Variants in RAP1GAP2 observed in about 807,000 individuals in gnomAD.
RAP1GAP2 encodes the protein rap1 GTPase-activating protein 2.
In RAP1GAP2, 27 loss-of-function variants were observed where a neutral mutation model predicts 95.0. The ratio of observed to expected loss-of-function variants is 0.28; its 90% CI spans 0.21 to 0.39. The LOEUF (loss-of-function observed/expected upper bound fraction) is 0.39, where lower values mean the gene tolerates loss of function less well. Ranked by LOEUF, RAP1GAP2 falls within the 10% of genes least tolerant of loss-of-function variation. The pLI is 1.00. For missense variants in RAP1GAP2, 771 were observed against 970.0 expected, an observed-to-expected ratio of 0.79 and a Z score of 2.72; for synonymous variants, 373 against 380.9, an observed-to-expected ratio of 0.98 and a Z score of 0.24.
rs5818880 is a variant in RAP1GAP2 at position 2,904,530 on chromosome 17, C to CTGTGTGTGTGTGTG, written c.81-728_81-715dup. ...CCGAGGACAGCTTTTTGACCAGGGC[C>CTGTGTGTGTGTGTG]TGTGTGTGTGTGTGTGTGTGTGTGT... On this transcript the variant is annotated intron_variant, in intron 2 of 24. Transcript: ENST00000254695. This position sits in a 1 kb window ranked among gnomAD's most constrained non-coding sequence, Gnocchi z 4.7. 0.046 allele frequency among the ~76,000 whole-genome samples: 5,928 copies of CTGTGTGTGTGTGTG among 129,042 alleles called. 326 individuals carry two copies. The highest frequency in any genetic ancestry group is 0.064 in the Non-Finnish European group (3,844 of 60,500). The allele number at this position is 129,042 out of a possible 152,430, so 84.7% of individuals were successfully genotyped here.
At chr17:3,031,024 C>T (rs775178711) in intron 23 of RAP1GAP2, 26 bp downstream of exon 23, 2 of 1,566,978 alleles carry the variant, frequency 1.3e-6, no homozygotes, top group Admixed American at 1.8e-5. Context: ...CCACACCCCA[C>T]ACTCCACTTT....
At chr17:2,881,922 G>A (rs1322839367) in intron 2 of RAP1GAP2, among the ~76,000 whole-genome samples, 2 of 152,012 alleles carry the variant, frequency 1.3e-5, no homozygotes, top group African/African-American at 4.8e-5. Flanking sequence ...CCGGGTTCAC[G>A]CCATTCTCCT....
intron 2 of RAP1GAP2, among the ~76,000 whole-genome samples, chr17:2,882,574 G>A (rs1173810735): frequency 2.0e-5 from 3 of 152,048 alleles, no homozygotes; most frequent in African/African-American, 7.2e-5. Flanking sequence ...ACAGGCATGC[G>A]CCACCACGCC....
intron 2 of RAP1GAP2, among the ~76,000 whole-genome samples, chr17:2,852,829 G>A (rs942034303): frequency 2.0e-5 from 3 of 152,286 alleles, no homozygotes; most frequent in African/African-American, 7.2e-5. Flanking sequence ...GAGGCCCCGC[G>A]CCGATGGTAG....
At chr17:2,850,935 C>T (rs539947916) in intron 2 of RAP1GAP2, among the ~76,000 whole-genome samples, 156 of 152,016 alleles carry the variant, frequency 1.0e-3, no homozygotes, top group Non-Finnish European at 1.7e-3. Flanking sequence ...TGGCGAATGC[C>T]GGTAGTCCCA....
intron 3 of RAP1GAP2, among the ~76,000 whole-genome samples, chr17:2,942,526 A>AGAGCTTGCCTTTCTGCTGG (rs2043535688): frequency 6.6e-6 from 1 of 152,194 alleles, no homozygotes; most frequent in Admixed American, 6.6e-5. Flanking sequence ...AAACTTCAGC[A>AGAGCTTGCCTTTCTGCTGG]ACACTGAGCT....
At chr17:2,955,084 ATGTT>A (rs2044062549) in intron 3 of RAP1GAP2, among the ~76,000 whole-genome samples, 1 of 152,160 alleles carries the variant, frequency 6.6e-6, no homozygotes. Flanking sequence ...GCAGTAGTGA[ATGTT>A]TGTGTACAAG....
At chr17:2,788,414 G>T (rs1382924245) in intron 1 of RAP1GAP2, among the ~76,000 whole-genome samples, 1 of 152,194 alleles carries the variant, frequency 6.6e-6, no homozygotes, top group African/African-American at 2.4e-5. Context: ...TCCTGCCTCA[G>T]CCTCCTGAGT....
intron 8 of RAP1GAP2, among the ~76,000 whole-genome samples, chr17:2,972,713 A>G (rs2044922080): frequency 6.6e-6 from 1 of 152,200 alleles, no homozygotes; most frequent in Non-Finnish European, 1.5e-5. Context: ...TGTAAATAAA[A>G]TAGCAGCCCC....
At chr17:2,946,108 T>C (rs2043689755) in intron 3 of RAP1GAP2, among the ~76,000 whole-genome samples, 1 of 152,196 alleles carries the variant, frequency 6.6e-6, no homozygotes. Context: ...TTGATTTTCT[T>C]GTGTTGAACT....
chr17:2,874,175 T>C (rs73979712), intron 2 of RAP1GAP2, among the ~76,000 whole-genome samples: 3,390 of 152,302 alleles, frequency 0.022, 125 homozygotes, highest in African/African-American at 0.078. Context: ...AAAGAGTCTG[T>C]ATTCTGCAGA....
Position 3,008,084 on chromosome 17 carries a change from T to C in RAP1GAP2, c.1433T>C (p.Leu478Pro). Residue 478 changes from leucine (L) to proline (P), a missense_variant, in exon 17 of 25, where the codon CTG becomes CCG. Physicochemically the swap from Leu to Pro is moderately conservative, Grantham distance 98. Transcript: ENST00000254695. This position sits in a 1 kb window ranked among gnomAD's most constrained non-coding sequence, Gnocchi z 4.2. The part of the protein sequence containing the change: ...LHAHTQAMLG[L>P]GPEEDKFENG... ...GCCCACACACAGGCCATGCTGGGAC[T>C]GGGCCCAGAGGAGGACAAGTTTGAG... 1 of 1,613,998 alleles carries C rather than the reference T, an allele frequency of 6.2e-7. No individual in the cohort carries two copies. Among genetic ancestry groups the C allele is most frequent in the Non-Finnish European group, 8.5e-7 (1 of 1,179,876 alleles).
chr17:3,037,465 A>G lies in RAP1GAP2; in HGVS notation c.*4104A>G, dbSNP rs1133326. ...CAGCTCGGGGACTGCTGGCGTGTGA[A>G]TGTGCAGATTCCCCTGTGTGGTCGA... is the stretch of plus-strand genomic sequence containing the variant. On this transcript the variant is annotated 3_prime_UTR_variant, in exon 25 of 25. Transcript: ENST00000254695. 0.95 allele frequency: 141,081 copies of G among 149,162 alleles called. 66,770 individuals are homozygous for G. Among genetic ancestry groups the G allele is most frequent in the Non-Finnish European group, 0.96 (64,826 of 67,614 alleles). The allele number at this position is 149,162 out of a possible 1,614,324, so 9.2% of individuals were successfully genotyped here.
intron 3 of RAP1GAP2, among the ~76,000 whole-genome samples, chr17:2,932,012 C>T (rs182774080): frequency 6.6e-6 from 1 of 152,226 alleles, no homozygotes; most frequent in Non-Finnish European, 1.5e-5. Context: ...ATATTCAGTT[C>T]TCAGTCCGGC....
At chr17:2,786,162 C>A (rs1301123495) in intron 1 of RAP1GAP2, among the ~76,000 whole-genome samples, 2 of 152,096 alleles carry the variant, frequency 1.3e-5, no homozygotes, top group African/African-American at 4.8e-5. Flanking sequence ...CGGCCTCCCA[C>A]AGTGCTGGGA....
At chr17:2,790,058 G>A (rs544878005) in intron 1 of RAP1GAP2, among the ~76,000 whole-genome samples, 1 of 151,900 alleles carries the variant, frequency 6.6e-6, no homozygotes, top group South Asian at 2.1e-4. Context: ...TGCTGGCCCT[G>A]AATGCCCACT....
chr17:3,023,693 T>A (rs977128552), intron 19 of RAP1GAP2, among the ~76,000 whole-genome samples: 1 of 152,212 alleles, frequency 6.6e-6, no homozygotes, highest in South Asian at 2.1e-4. Context: ...AATGTGCAGG[T>A]TTGTTACATA....
chr17:2,990,410 G>A (rs2045711773), intron 11 of RAP1GAP2, among the ~76,000 whole-genome samples: 1 of 151,994 alleles, frequency 6.6e-6, no homozygotes, highest in South Asian at 2.1e-4. Context: ...TTTAGCCTTT[G>A]GTATATGCCT....
intron 2 of RAP1GAP2, among the ~76,000 whole-genome samples, chr17:2,818,953 G>T (rs1182462230): frequency 6.6e-6 from 1 of 152,090 alleles, no homozygotes; most frequent in Non-Finnish European, 1.5e-5. Context: ...AGGGGATGTA[G>T]CAGACACAGG....
Sources: gnomAD v4.1 joint callset for allele counts (sites outside exome capture counted in the v4.1 genomes callset) on GRCh38, gnomAD v4.1.1 for gene constraint, Gnocchi (gnomAD v3.1) non-coding constraint, MANE v1.5 for transcripts, NCBI Gene and HGNC (gene_info 2026-07-23, HGNC 2026-07-21) for gene names.